The following ADAMTS12 variants were observed in gnomAD, a reference collection of about 807,000 sequenced individuals.
ADAMTS12 encodes the protein ADAM metallopeptidase with thrombospondin type 1 motif 12.
ADAMTS12 carries 118 observed loss-of-function variants against 167.8 expected under a neutral mutation model. The ratio of observed to expected loss-of-function variants is 0.70; its 90% CI spans 0.61 to 0.82. The LOEUF is 0.82. Among genes scored for constraint, ADAMTS12 ranks in the 40% least tolerant of loss-of-function variants. The pLI is 0.00. For missense variants in ADAMTS12, 1,916 were observed against 1,998.8 expected, an observed-to-expected ratio of 0.96 and a Z score of 0.79; for synonymous variants, 704 against 716.9, an observed-to-expected ratio of 0.98 and a Z score of 0.29.
chr5:33,577,207 A>T (rs756263283), intron 18 of ADAMTS12, 47 bp from the exon 19 acceptor site: 3 of 1,612,252 alleles, frequency 1.9e-6, no homozygotes, highest in Non-Finnish European at 2.5e-6. Flanking sequence ...AGATGCTTTT[A>T]TTCTCATGGT....
chr5:33,767,923 A>C (rs1745597389), intron 2 of ADAMTS12, among the ~76,000 whole-genome samples: 1 of 152,202 alleles, frequency 6.6e-6, no homozygotes, highest in Non-Finnish European at 1.5e-5. Context: ...CAAATCTGTA[A>C]AGTAGGAAAT....
Position 33,577,016 on chromosome 5 carries a change from T to G in ADAMTS12, c.3010A>C (p.Lys1004Gln). ...TTGGAAATAGTGCCTTTGTTTGGTT[T>G]CAGAACTCTCCGGCTAGAAGGGCAT... ...QQCPSSRRVL[K>Q]PNKGTISNGK... The change falls in exon 19 of 24, where the codon AAA (lysine) becomes CAA (glutamine). Residue 1004 changes from lysine (K) to glutamine (Q), a missense_variant. Lys to Gln is a moderately conservative substitution (Grantham distance 53). Coordinates refer to ENST00000504830, the MANE Select transcript of ADAMTS12 (RefSeq NM_030955.4). The G allele has an allele frequency of 6.2e-7, 1 of 1,614,160 alleles. No individual in the cohort carries two copies.
At chr5:33,629,337 A>G (rs1739807563) in intron 13 of ADAMTS12, among the ~76,000 whole-genome samples, 1 of 151,810 alleles carries the variant, frequency 6.6e-6, no homozygotes, top group Non-Finnish European at 1.5e-5. Flanking sequence ...TGTCACAGGG[A>G]ATAATTTTGT....
chr5:33,750,227 A>G (rs905461709), intron 3 of ADAMTS12, among the ~76,000 whole-genome samples: 9 of 152,242 alleles, frequency 5.9e-5, no homozygotes, highest in Admixed American at 1.3e-4. Flanking sequence ...CCAGCAAGTT[A>G]TCTAATTTAG....
chr5:33,615,159 C>T (rs920107340), intron 15 of ADAMTS12, among the ~76,000 whole-genome samples: 7 of 152,192 alleles, frequency 4.6e-5, no homozygotes, highest in African/African-American at 1.2e-4. Flanking sequence ...TTAATCCTTG[C>T]CTGTGTCAGA....
chr5:33,533,445 T>C (rs2111745111), intron 23 of ADAMTS12, among the ~76,000 whole-genome samples: 1 of 152,314 alleles, frequency 6.6e-6, no homozygotes, highest in Admixed American at 6.5e-5. Flanking sequence ...AGGGATCTTG[T>C]TAAATGAAGA....
chr5:33,803,285 T>C (rs1363620303), intron 2 of ADAMTS12, among the ~76,000 whole-genome samples: 3 of 152,220 alleles, frequency 2.0e-5, no homozygotes, highest in Non-Finnish European at 2.9e-5. Context: ...AAACATCTGA[T>C]AGAATCAGAC....
chr5:33,765,159 T>C (rs1333946987), intron 2 of ADAMTS12, among the ~76,000 whole-genome samples: 1 of 152,182 alleles, frequency 6.6e-6, no homozygotes, highest in African/African-American at 2.4e-5. Context: ...CACCCTTAGA[T>C]TCAACAAGTA....
At chr5:33,871,042 C>A (rs920936882) in intron 2 of ADAMTS12, among the ~76,000 whole-genome samples, 7 of 151,870 alleles carry the variant, frequency 4.6e-5, no homozygotes, top group African/African-American at 1.2e-4. Context: ...AATTTCCCCC[C>A]AAAAAAGATA....
Position 33,576,383 on chromosome 5 carries a change from T to C in ADAMTS12, c.3643A>G (p.Thr1215Ala). The C allele has an allele frequency of 6.2e-7, 1 of 1,614,144 alleles. No homozygotes were observed. Among genetic ancestry groups the C allele is most frequent in the South Asian group, 1.1e-5 (1 of 91,076 alleles). Residue 1215 changes from threonine to alanine, a missense_variant, in exon 19 of 24, where the codon ACA (threonine) becomes GCA (alanine). Coordinates refer to ENST00000504830, the MANE Select transcript of ADAMTS12 (RefSeq NM_030955.4). ...SRESWWPPFS[T>A]VMEGLLPSQR... is the part of the protein sequence containing the mutation. ...CTGGGGAGCAGTCCTTCCATTACTG[T>C]GCTGAAGGGTGGCCACCAGGACTCC...
At chr5:33,847,647 G>A (rs2441090) in intron 2 of ADAMTS12, among the ~76,000 whole-genome samples, 70,548 of 151,618 alleles carry the variant, frequency 0.47, 18,293 homozygotes, top group African/African-American at 0.68. Context: ...AAGAAAGAAA[G>A]AAAAGGAAGT....
intron 13 of ADAMTS12, 65 bp downstream of exon 13, chr5:33,630,715 G>T: frequency 6.5e-7 from 1 of 1,548,320 alleles, no homozygotes; most frequent in South Asian, 1.2e-5. Context: ...TAGAACATCT[G>T]ACTTCCCAAA....
chr5:33,562,630 T>C lies in ADAMTS12; in HGVS notation c.3973-1451A>G, dbSNP rs1579669582. Among the ~76,000 whole-genome samples, 4 of 150,662 alleles carry C rather than the reference T, an allele frequency of 2.7e-5. No homozygotes were observed. In the Middle Eastern group the frequency reaches 0.014, roughly 516 times the overall value. On this transcript the variant is annotated intron_variant, in intron 19 of 23. Transcript: ENST00000504830. ...TCTCTTGCTGTAACTTCACTCTCCA[T>C]ATAATTTTTTTTTTTTTTTGGGATG...
intron 20 of ADAMTS12, among the ~76,000 whole-genome samples, chr5:33,549,929 G>T (rs1184095453): frequency 6.6e-6 from 1 of 152,226 alleles, no homozygotes. Flanking sequence ...CTTGAGTAGG[G>T]AAATAAACTG....
intron 13 of ADAMTS12, among the ~76,000 whole-genome samples, chr5:33,628,986 G>A (rs1325074418): frequency 4.8e-4 from 73 of 152,122 alleles, no homozygotes; most frequent in Admixed American, 4.8e-3. Flanking sequence ...TCTCAATCCT[G>A]GCTACTTATT....
intron 7 of ADAMTS12, 139 bp downstream of exon 7, chr5:33,658,045 G>C: frequency 6.5e-6 from 7 of 1,080,008 alleles, no homozygotes; most frequent in Non-Finnish European, 9.5e-6. Flanking sequence ...GAAAGCAGAG[G>C]TTGAGGAGGG....
At chr5:33,541,983 T>C (rs1744723602) in intron 22 of ADAMTS12, among the ~76,000 whole-genome samples, 2 of 152,134 alleles carry the variant, frequency 1.3e-5, no homozygotes, top group Non-Finnish European at 2.9e-5. Flanking sequence ...AATTCACACA[T>C]AACAATACTA....
At chr5:33,844,064 T>G (rs1748849701) in intron 2 of ADAMTS12, among the ~76,000 whole-genome samples, 2 of 152,148 alleles carry the variant, frequency 1.3e-5, no homozygotes, top group South Asian at 2.1e-4. Flanking sequence ...CATGGACACT[T>G]ATCACTTCCC....
At chr5:33,727,036 G>A (rs903833860) in intron 3 of ADAMTS12, among the ~76,000 whole-genome samples, 1 of 152,016 alleles carries the variant, frequency 6.6e-6, no homozygotes, top group African/African-American at 2.4e-5. Context: ...TCAGCTCACC[G>A]CCTCCAGCAG....
Sources: gnomAD v4.1 joint callset for allele counts (sites outside exome capture counted in the v4.1 genomes callset) on GRCh38, gnomAD v4.1.1 for gene constraint, MANE v1.5 for transcripts, NCBI Gene and HGNC (gene_info 2026-07-23, HGNC 2026-07-21) for gene names.